The following DBX2 variants were observed in gnomAD, a reference collection of about 807,000 sequenced individuals.
DBX2 encodes the protein homeobox protein DBX2.
In DBX2, 16 loss-of-function variants were observed where a neutral mutation model predicts 17.7. That is an observed-to-expected ratio of 0.90 (90% confidence interval 0.61 to 1.37). DBX2 has a LOEUF of 1.37. Ranked by LOEUF, DBX2 falls within the 40% of genes most tolerant of loss-of-function variation. DBX2 has a pLI of 0.00. For missense variants in DBX2, 538 were observed against 433.8 expected (o/e 1.24, Z -2.13); for synonymous variants, 255 against 183.8 (o/e 1.39, Z -3.13).
At chr12:45,028,401 A>C (rs1419252751) in intron 2 of DBX2, among the ~76,000 whole-genome samples, 2 of 150,968 alleles carry the variant, frequency 1.3e-5, no homozygotes, top group Non-Finnish European at 2.9e-5. Flanking sequence ...AAAAATATGT[A>C]CCCTTTTTTT....
intron 2 of DBX2, among the ~76,000 whole-genome samples, chr12:45,032,469 G>A (rs1592754634): frequency 6.6e-6 from 1 of 152,116 alleles, no homozygotes; most frequent in Admixed American, 6.5e-5. Flanking sequence ...AGGACAGGTG[G>A]CAAGAATACT....
At chr12:45,039,493 T>C (rs1021453925) in intron 1 of DBX2, among the ~76,000 whole-genome samples, 1 of 151,574 alleles carries the variant, frequency 6.6e-6, no homozygotes, top group African/African-American at 2.4e-5. Context: ...TGATCCTAGA[T>C]AAAATGCATT....
At chr12:45,042,219 C>T (rs979187364) in intron 1 of DBX2, among the ~76,000 whole-genome samples, 2 of 152,182 alleles carry the variant, frequency 1.3e-5, no homozygotes, top group African/African-American at 4.8e-5. Context: ...AGCCTCTCCT[C>T]CTGCCATTAG....
chr12:45,036,253 C>G (rs867367451), intron 1 of DBX2, 139 bp from the exon 2 acceptor site: 22 of 775,408 alleles, frequency 2.8e-5, no homozygotes, highest in Non-Finnish European at 3.8e-5. Context: ...TATAAAGTAG[C>G]CTTTGTCTGT....
At chr12:45,024,126 G>A (rs1470189583) in intron 2 of DBX2, among the ~76,000 whole-genome samples, 1 of 152,078 alleles carries the variant, frequency 6.6e-6, no homozygotes. Context: ...GAATCATGGG[G>A]GTGGTTCCCC....
intron 1 of DBX2, among the ~76,000 whole-genome samples, chr12:45,047,440 G>C (rs1946506178): frequency 6.6e-6 from 1 of 151,918 alleles, no homozygotes; most frequent in Non-Finnish European, 1.5e-5. Flanking sequence ...TTGATTTTTA[G>C]AGTTTTAAAA....
At chr12:45,020,039 T>C (rs1946343557) in intron 3 of DBX2, among the ~76,000 whole-genome samples, 1 of 152,166 alleles carries the variant, frequency 6.6e-6, no homozygotes, top group African/African-American at 2.4e-5. Flanking sequence ...GTTAATAGCT[T>C]TATTGAGCCT....
At chr12:45,023,641 C>T (rs1364010291) in intron 3 of DBX2, 66 bp downstream of exon 3, 7 of 1,595,966 alleles carry the variant, frequency 4.4e-6, no homozygotes, top group Non-Finnish European at 6.0e-6. Flanking sequence ...CCACCCTGAA[C>T]ACAACTGATT....
intron 2 of DBX2, among the ~76,000 whole-genome samples, chr12:45,028,410 T>C (rs1229755049): frequency 6.6e-6 from 1 of 152,152 alleles, no homozygotes; most frequent in African/African-American, 2.4e-5. Flanking sequence ...TACCCTTTTT[T>C]TTCTAAGTAG....
At chr12:45,023,658 G>A in intron 3 of DBX2, 49 bp downstream of exon 3, 1 of 1,608,720 alleles carries the variant, frequency 6.2e-7, no homozygotes, top group East Asian at 2.2e-5. Context: ...GATTTCATCT[G>A]ATCTCAGAAG....
chr12:45,029,275 A>G (rs563658518), intron 2 of DBX2, among the ~76,000 whole-genome samples: 1 of 152,320 alleles, frequency 6.6e-6, no homozygotes, highest in Non-Finnish European at 1.5e-5. Flanking sequence ...ATTCGAGGAT[A>G]TTATTATTAT....
chr12:45,048,135 G>A (rs1323814754), intron 1 of DBX2, among the ~76,000 whole-genome samples: 3 of 152,064 alleles, frequency 2.0e-5, no homozygotes, highest in East Asian at 1.9e-4. Flanking sequence ...AAAAAATAAC[G>A]AAAAATAATG....
chr12:45,045,824 C>T (rs1333550420), intron 1 of DBX2, among the ~76,000 whole-genome samples: 1 of 152,096 alleles, frequency 6.6e-6, no homozygotes, highest in Admixed American at 6.6e-5. Flanking sequence ...CATACGGCAT[C>T]CTTTTGACTT....
chr12:45,028,553 T>C (rs1472439005), intron 2 of DBX2, among the ~76,000 whole-genome samples: 1 of 152,060 alleles, frequency 6.6e-6, no homozygotes, highest in Non-Finnish European at 1.5e-5. Flanking sequence ...AACCCATAGG[T>C]TTTCCTAATA....
Position 45,051,054 on chromosome 12 carries a change from G to T in DBX2, c.-127C>A. 8.4e-7 allele frequency: 1 copy of T among 1,196,270 alleles called. No homozygotes were observed. The highest frequency in any genetic ancestry group is 1.1e-6 in the Non-Finnish European group (1 of 943,586). The allele number at this position is 1,196,270 out of a possible 1,614,324, so 74.1% of individuals were successfully genotyped here. A position where few individuals can be genotyped will look rare whatever the true frequency, so the allele number is the denominator to read the frequency against. ...CGCAGGGCTGGAGCGCGCGGAGCCAGGCAGGGAGGAAAGGCCACCCGGGAC... is the reference window on the plus strand; with the variant it reads ...CGCAGGGCTGGAGCGCGCGGAGCCATGCAGGGAGGAAAGGCCACCCGGGAC... On this transcript the variant is annotated 5_prime_UTR_variant, in exon 1 of 4. It adds an upstream start codon to the 5' untranslated region. Coordinates refer to ENST00000332700, the MANE Select transcript of DBX2 (RefSeq NM_001004329.3).
In DBX2 at chr12:45,048,265, A is replaced by C. The variant is rs1289442014; in HGVS notation, c.403+2260T>G. Among the ~76,000 whole-genome samples the C allele has an allele frequency of 9.2e-5, 14 of 152,312 alleles. No homozygotes were observed. The South Asian group carries it at 1.7e-3, about 18-fold the overall frequency. On this transcript the variant is annotated intron_variant, in intron 1 of 3. Coordinates refer to ENST00000332700, the MANE Select transcript of DBX2 (RefSeq NM_001004329.3). ...AATTTAGATGTGGTGCACTCAACAA[A>C]TTAAGTCTGGGAAAAAAGGGGGTAG...
At chr12:45,039,323 G>A (rs11182804) in intron 1 of DBX2, among the ~76,000 whole-genome samples, 1,103 of 83,900 alleles carry the variant, frequency 0.013, 6 homozygotes, top group East Asian at 0.042. Context: ...ATATATATAT[G>A]TATCACACTT....
intron 1 of DBX2, among the ~76,000 whole-genome samples, chr12:45,044,635 C>T (rs547836668): frequency 2.0e-5 from 3 of 152,180 alleles, no homozygotes; most frequent in Middle Eastern, 3.4e-3. Context: ...TACAAAAAGA[C>T]GCAACCTTTT....
At chr12:45,028,539 T>C (rs1350511757) in intron 2 of DBX2, among the ~76,000 whole-genome samples, 1 of 152,182 alleles carries the variant, frequency 6.6e-6, no homozygotes, top group Admixed American at 6.5e-5. Flanking sequence ...AAACTTTTAA[T>C]AGCAACCCAT....
Sources: allele counts gnomAD v4.1 joint callset (sites outside exome capture counted in the v4.1 genomes callset), GRCh38; gene constraint gnomAD v4.1.1; transcripts MANE v1.5; gene names NCBI Gene and HGNC (gene_info 2026-07-23, HGNC 2026-07-21).